The following GUCY1A2 variants were observed in gnomAD, a reference collection of about 807,000 sequenced individuals.
GUCY1A2 encodes the protein guanylate cyclase 1 soluble subunit alpha 2, also known as guanylate cyclase soluble subunit alpha-2.
In GUCY1A2, 27 loss-of-function variants were observed where a neutral mutation model predicts 63.5. The observed-to-expected ratio is 0.43, with a 90% CI of 0.31 to 0.59. The LOEUF is 0.59. Among genes scored for constraint, GUCY1A2 ranks in the 20% least tolerant of loss-of-function variants. GUCY1A2 has a pLI of 0.11. For missense variants in GUCY1A2, 768 were observed against 913.3 expected (o/e 0.84, Z 2.05); for synonymous variants, 364 against 343.5 (o/e 1.06, Z -0.66).
At position 107,018,097 on chromosome 11, in the gene GUCY1A2, G is replaced by C. The variant is rs758623808; in HGVS notation, c.-42C>G. The C allele has an allele frequency of 5.3e-6, 7 of 1,333,274 alleles. No homozygotes were observed. The highest frequency in any genetic ancestry group is 6.9e-6 in the Non-Finnish European group (7 of 1,014,756). The allele number at this position is 1,333,274 out of a possible 1,614,324, so 82.6% of individuals were successfully genotyped here. A position where few individuals can be genotyped will look rare whatever the true frequency, so the allele number is the denominator to read the frequency against. Reference sequence around the variant, plus strand: ...CAGCGGCCGAGGCGGTGGCGGCGAGGACGCGAGCGGCGGCGGAGGCGGCGG... The same window carrying C: ...CAGCGGCCGAGGCGGTGGCGGCGAGCACGCGAGCGGCGGCGGAGGCGGCGG... On this transcript the variant is annotated 5_prime_UTR_variant, in exon 1 of 8. Transcript: ENST00000526355.
At chr11:106,993,437 A>G (rs754114321) in intron 1 of GUCY1A2, among the ~76,000 whole-genome samples, 9 of 152,136 alleles carry the variant, frequency 5.9e-5, no homozygotes, top group African/African-American at 1.7e-4. Flanking sequence ...TCTGAAGGAG[A>G]GGTAATTGTG....
At chr11:106,801,261 G>T (rs564306867) in intron 5 of GUCY1A2, among the ~76,000 whole-genome samples, 1 of 152,014 alleles carries the variant, frequency 6.6e-6, no homozygotes, top group Admixed American at 6.6e-5. Flanking sequence ...TACATTGAGG[G>T]CCTCATGTTT....
chr11:106,964,225 T>C (rs1394257838), intron 3 of GUCY1A2, among the ~76,000 whole-genome samples: 2 of 152,232 alleles, frequency 1.3e-5, no homozygotes, highest in African/African-American at 4.8e-5. Context: ...CTTATAGTTG[T>C]ATTATTTCCT....
chr11:106,979,205 T>C (rs532747888), intron 2 of GUCY1A2, among the ~76,000 whole-genome samples: 558 of 152,200 alleles, frequency 3.7e-3, no homozygotes, highest in Non-Finnish European at 6.0e-3. Flanking sequence ...CCTGTAATCC[T>C]AGCACTTTGG....
intron 4 of GUCY1A2, among the ~76,000 whole-genome samples, chr11:106,891,249 C>A (rs557363203): frequency 2.1e-4 from 32 of 151,726 alleles, no homozygotes; most frequent in Non-Finnish European, 1.9e-4. Flanking sequence ...ACTTTTTTGT[C>A]CATTTATTAA....
chr11:106,915,147 A>G (rs919194028), intron 4 of GUCY1A2, among the ~76,000 whole-genome samples: 1 of 152,186 alleles, frequency 6.6e-6, no homozygotes, highest in South Asian at 2.1e-4. Flanking sequence ...AGAAACTTGG[A>G]TCTTTTTGAA....
At chr11:106,987,303 A>G (rs533782312) in intron 1 of GUCY1A2, among the ~76,000 whole-genome samples, 1 of 152,228 alleles carries the variant, frequency 6.6e-6, no homozygotes, top group African/African-American at 2.4e-5. Flanking sequence ...AATAAGTATC[A>G]ATTTCCAATT....
At chr11:106,816,184 A>C (rs1007077501) in intron 4 of GUCY1A2, among the ~76,000 whole-genome samples, 2 of 150,970 alleles carry the variant, frequency 1.3e-5, no homozygotes, top group Non-Finnish European at 3.0e-5. Context: ...AAAAAAAAAA[A>C]AAAAACCCAA....
At chr11:106,973,239 G>A (rs567171765) in intron 3 of GUCY1A2, among the ~76,000 whole-genome samples, 2 of 152,134 alleles carry the variant, frequency 1.3e-5, no homozygotes, top group South Asian at 4.1e-4. Flanking sequence ...CAGGTTTTGT[G>A]CTGGCCTAAT....
chr11:106,838,946 A>G lies in GUCY1A2; in HGVS notation c.1207-28468T>C, dbSNP rs554082686. Among the ~76,000 whole-genome samples the G allele has an allele frequency of 5.3e-5, 8 of 151,976 alleles. No individual in the cohort carries two copies. The South Asian group carries it at 1.2e-3, about 24-fold the overall frequency. Reference sequence around the variant, plus strand: ...TAGGTTGCCTGTTCACTCTGATGGTAGTTTCTTTTGCTGTGCAGAAGCTCT... The same window carrying G: ...TAGGTTGCCTGTTCACTCTGATGGTGGTTTCTTTTGCTGTGCAGAAGCTCT... On this transcript the variant is annotated intron_variant, in intron 4 of 7. Coordinates refer to ENST00000526355, the MANE Select transcript of GUCY1A2 (RefSeq NM_000855.3).
chr11:106,697,320 GCA>G (rs1276013307), intron 7 of GUCY1A2, among the ~76,000 whole-genome samples: 3 of 152,212 alleles, frequency 2.0e-5, no homozygotes, highest in African/African-American at 7.2e-5. Flanking sequence ...TTTTCCTGAT[GCA>G]CAGTGTTTCA....
At chr11:107,005,385 C>CTT (rs977769587) in intron 1 of GUCY1A2, among the ~76,000 whole-genome samples, 1 of 152,138 alleles carries the variant, frequency 6.6e-6, no homozygotes, top group Admixed American at 6.5e-5. Context: ...GTGATCCTCT[C>CTT]ACCCAGCCTC....
At chr11:106,821,708 T>G (rs1858905858) in intron 4 of GUCY1A2, among the ~76,000 whole-genome samples, 1 of 152,162 alleles carries the variant, frequency 6.6e-6, no homozygotes, top group Non-Finnish European at 1.5e-5. Context: ...CTCAGTGTAA[T>G]AGAGAGCCAT....
At chr11:106,760,565 C>T (rs946576911) in intron 6 of GUCY1A2, among the ~76,000 whole-genome samples, 1 of 151,976 alleles carries the variant, frequency 6.6e-6, no homozygotes, top group Admixed American at 6.6e-5. Context: ...TAATTTTATT[C>T]TAATTTTTTG....
chr11:106,900,906 G>A (rs892081059), intron 4 of GUCY1A2, among the ~76,000 whole-genome samples: 1 of 152,184 alleles, frequency 6.6e-6, no homozygotes, highest in Non-Finnish European at 1.5e-5. Context: ...TTTTGCCTCT[G>A]TTGTTGGCTG....
intron 1 of GUCY1A2, among the ~76,000 whole-genome samples, chr11:107,005,719 A>G (rs1861662558): frequency 1.3e-5 from 2 of 152,228 alleles, no homozygotes; most frequent in Admixed American, 1.3e-4. Flanking sequence ...GTGAGAGGTA[A>G]CTGAATGAGT....
chr11:106,907,248 A>G (rs1436608462), intron 4 of GUCY1A2, among the ~76,000 whole-genome samples: 1 of 151,984 alleles, frequency 6.6e-6, no homozygotes, highest in Non-Finnish European at 1.5e-5. Context: ...AGGTGCACCT[A>G]TGGCTTGCCA....
At position 106,987,113 on chromosome 11, in the gene GUCY1A2, AG is replaced by A. The variant is rs545423086; in HGVS notation, c.304-983del. Among the ~76,000 whole-genome samples, 351 of 152,340 alleles carry A rather than the reference AG, an allele frequency of 2.3e-3. 8 individuals are homozygous for A. The highest frequency in any genetic ancestry group is 9.1e-4 in the Non-Finnish European group (62 of 68,028). On this transcript the variant is annotated intron_variant, in intron 1 of 7. Coordinates refer to ENST00000526355, the MANE Select transcript of GUCY1A2 (RefSeq NM_000855.3). ...AACAAAAACCTGTAGTCAATTAAGC[AG>A]AAAAAAAGCACTCAAGGCCTCATCA...
chr11:107,001,850 C>G (rs1294481138), intron 1 of GUCY1A2, among the ~76,000 whole-genome samples: 1 of 152,042 alleles, frequency 6.6e-6, no homozygotes, highest in Non-Finnish European at 1.5e-5. Context: ...AAAACCCCAT[C>G]TCTACCAAAA....
Sources: allele counts gnomAD v4.1 joint callset (sites outside exome capture counted in the v4.1 genomes callset), GRCh38; gene constraint gnomAD v4.1.1; transcripts MANE v1.5; gene names NCBI Gene and HGNC (gene_info 2026-07-23, HGNC 2026-07-21).